Variants in NFATC3 observed in about 807,000 individuals in gnomAD.
NFATC3 encodes the protein nuclear factor of activated T cells 3.
Under a neutral mutation model 98.6 loss-of-function variants are expected in NFATC3, and 46 were observed. The observed-to-expected ratio is 0.47, with a 90% CI of 0.37 to 0.60. The LOEUF (loss-of-function observed/expected upper bound fraction) is 0.60, where lower values mean the gene tolerates loss of function less well. Ranked by LOEUF, NFATC3 falls within the 20% of genes least tolerant of loss-of-function variation. The pLI is 0.00. For synonymous variants in NFATC3, 512 were observed against 472.2 expected, an observed-to-expected ratio of 1.08 and a Z score of -1.09; for missense variants, 1,256 against 1,295.5, an observed-to-expected ratio of 0.97 and a Z score of 0.47.
rs73606407 is a variant in NFATC3, at chr16:68,086,855, G to A, written c.103+1071G>A. On this transcript the variant is annotated intron_variant, in intron 1 of 9. Coordinates refer to ENST00000346183, the MANE Select transcript of NFATC3 (RefSeq NM_173165.3). ...TATGCTAGATGTCTTTTTCACTGTA[G>A]TACATAATTTATAATAGTTATGTGT... 1.2e-3 allele frequency: 1,023 copies of A among 871,278 alleles called. 10 individuals carry two copies. The African/African-American group carries it at 0.017, about 15-fold the overall frequency. 54.0% of individuals were successfully genotyped at this position (871,278 alleles called of 1,614,324 possible). A position where few individuals can be genotyped will look rare whatever the true frequency, so the allele number is the denominator to read the frequency against.
chr16:68,187,475 A>G (rs2040252579), intron 8 of NFATC3, among the ~76,000 whole-genome samples: 1 of 152,156 alleles, frequency 6.6e-6, no homozygotes, highest in East Asian at 1.9e-4. Context: ...ATGGAGGGTG[A>G]GCGGGATGAA....
intron 9 of NFATC3, chr16:68,192,210 G>T (rs2040439433): frequency 1.4e-4 from 2 of 13,836 alleles, no homozygotes; most frequent in Non-Finnish European, 2.5e-4. Flanking sequence ...TCCGTCTCGG[G>T]AAAAAAAAAA....
At chr16:68,095,225 C>A (rs2034951481) in intron 1 of NFATC3, among the ~76,000 whole-genome samples, 1 of 151,768 alleles carries the variant, frequency 6.6e-6, no homozygotes, top group South Asian at 2.1e-4. Context: ...GAGAGAGAAT[C>A]TCACTCTATT....
chr16:68,189,985 G>T (rs556325955), intron 8 of NFATC3, among the ~76,000 whole-genome samples: 1 of 152,222 alleles, frequency 6.6e-6, no homozygotes, highest in South Asian at 2.1e-4. Flanking sequence ...GTTGCAGTAC[G>T]CCGAGATTGC....
intron 9 of NFATC3, among the ~76,000 whole-genome samples, chr16:68,199,114 G>A (rs1285695426): frequency 6.6e-6 from 1 of 151,806 alleles, no homozygotes; most frequent in Non-Finnish European, 1.5e-5. Context: ...TACTCAGGAG[G>A]CTGAAGTGGG....
chr16:68,138,664 A>G (rs926509807), intron 3 of NFATC3: 32 of 1,287,918 alleles, frequency 2.5e-5, no homozygotes, highest in Non-Finnish European at 3.1e-5. Context: ...TTTTTTGGCT[A>G]CAAGTAGTCA....
intron 1 of NFATC3, among the ~76,000 whole-genome samples, chr16:68,112,645 C>CTTT (rs1567503218): frequency 3.4e-4 from 40 of 119,214 alleles, no homozygotes; most frequent in South Asian, 5.4e-4. Context: ...TTTTCTTTTT[C>CTTT]GTTTTTTTTT....
chr16:68,191,706 A>C lies in NFATC3; in HGVS notation c.3037A>C (p.Lys1013Gln). The C allele has an allele frequency of 6.2e-7, 1 of 1,614,194 alleles. No individual in the cohort carries two copies. Among genetic ancestry groups the C allele is most frequent in the Non-Finnish European group, 8.5e-7 (1 of 1,180,046 alleles). Reference sequence around the variant, plus strand: ...ACCTGATGGGGCAACTGTGAGCATTAAACCTGAACCAGAAGATCGAGAGCC... The same window carrying C: ...ACCTGATGGGGCAACTGTGAGCATTCAACCTGAACCAGAAGATCGAGAGCC... ...FPPDGATVSI[K>Q]PEPEDREPNF... Residue 1013 changes from lysine to glutamine, a missense_variant, in exon 9 of 10, where the codon AAA (lysine) becomes CAA (glutamine). Lys to Gln is a moderately conservative substitution (Grantham distance 53, BLOSUM62 1). Transcript: ENST00000346183.
chr16:68,118,732 C>T (rs976587152), intron 1 of NFATC3, among the ~76,000 whole-genome samples: 1 of 152,200 alleles, frequency 6.6e-6, no homozygotes, highest in Non-Finnish European at 1.5e-5. Context: ...GACATTTCCA[C>T]TTGGAAAGCT....
At chr16:68,180,000 A>G (rs1385170445) in intron 6 of NFATC3, among the ~76,000 whole-genome samples, 1 of 152,156 alleles carries the variant, frequency 6.6e-6, no homozygotes, top group Non-Finnish European at 1.5e-5. Context: ...CCCCGCCTGC[A>G]CCCCAAGAAA....
At chr16:68,222,625 C>T (rs1188404280) in intron 9 of NFATC3, among the ~76,000 whole-genome samples, 1 of 152,212 alleles carries the variant, frequency 6.6e-6, no homozygotes, top group Non-Finnish European at 1.5e-5. Context: ...TCTTAACATA[C>T]TCTGGTCCCC....
intron 1 of NFATC3, among the ~76,000 whole-genome samples, chr16:68,107,091 G>A (rs1421644424): frequency 6.6e-6 from 1 of 152,054 alleles, no homozygotes; most frequent in Admixed American, 6.6e-5. Context: ...TCTTTTTATG[G>A]CTGCACAGTA....
chr16:68,153,606 CATTATT>C (rs1299441357), intron 3 of NFATC3, among the ~76,000 whole-genome samples: 1 of 151,952 alleles, frequency 6.6e-6, no homozygotes, highest in African/African-American at 2.4e-5. Context: ...GACTTCTTCA[CATTATT>C]ATTATTATTT....
At chr16:68,088,663 A>G (rs1027324178) in intron 1 of NFATC3, 1 of 151,822 alleles carries the variant, frequency 6.6e-6, no homozygotes, top group Non-Finnish European at 1.5e-5. Context: ...CCTCCTGAGT[A>G]GTTGGGATTA....
At chr16:68,163,519 C>G (rs1380542086) in intron 4 of NFATC3, among the ~76,000 whole-genome samples, 1 of 150,374 alleles carries the variant, frequency 6.7e-6, no homozygotes, top group East Asian at 2.0e-4. Flanking sequence ...CCCTCCCGGA[C>G]GGGGCGGCTG....
intron 3 of NFATC3, among the ~76,000 whole-genome samples, chr16:68,156,562 A>G (rs1371332997): frequency 1.3e-5 from 2 of 152,242 alleles, no homozygotes; most frequent in African/African-American, 4.8e-5. Context: ...CTACATTAGT[A>G]GAATGAAGAG....
intron 1 of NFATC3, among the ~76,000 whole-genome samples, chr16:68,120,533 C>T (rs928442116): frequency 3.4e-5 from 5 of 146,596 alleles, no homozygotes; most frequent in East Asian, 2.0e-4. Flanking sequence ...GAGCCAAGAT[C>T]GCACCACTGC....
At chr16:68,133,657 A>T (rs1423736768) in intron 3 of NFATC3, among the ~76,000 whole-genome samples, 1 of 152,090 alleles carries the variant, frequency 6.6e-6, no homozygotes, top group African/African-American at 2.4e-5. Flanking sequence ...TAGTTTTCTT[A>T]TTTCTGCATT....
At chr16:68,101,066 T>C (rs1453503893) in intron 1 of NFATC3, among the ~76,000 whole-genome samples, 1 of 152,196 alleles carries the variant, frequency 6.6e-6, no homozygotes, top group Non-Finnish European at 1.5e-5. Flanking sequence ...TTTTCTTTCA[T>C]GGATTGCACT....
Sources: gnomAD v4.1 joint callset for allele counts (sites outside exome capture counted in the v4.1 genomes callset) on GRCh38, gnomAD v4.1.1 for gene constraint, MANE v1.5 for transcripts, NCBI Gene and HGNC (gene_info 2026-07-23, HGNC 2026-07-21) for gene names.